Variants in CALCA observed in about 807,000 individuals in gnomAD.
CALCA encodes the protein calcitonin.
A neutral mutation model predicts 6.9 loss-of-function variants in CALCA; 4 were observed. That is an observed-to-expected ratio of 0.58 (90% CI 0.29 to 1.33). The LOEUF is 1.33. CALCA is among the 40% of genes most tolerant of loss of function. CALCA has a pLI of 0.09. For synonymous variants in CALCA, 78 were observed against 70.0 expected (o/e 1.11, Z -0.57); for missense variants, 174 against 178.3 (o/e 0.98, Z 0.14).
downstream of CALCA, chr11:14,968,363 G>A (rs1849505830): frequency 1.1e-6 from 1 of 927,228 alleles, no homozygotes; most frequent in African/African-American, 1.7e-5. Flanking sequence ...TGTTCTTCCT[G>A]CTTGAGCTTG....
intron 2 of CALCA, 31 bp downstream of exon 2, chr11:14,971,076 C>A (rs782815958): frequency 3.2e-6 from 5 of 1,573,378 alleles, no homozygotes; most frequent in Admixed American, 1.7e-5. Flanking sequence ...TTGTCTGATA[C>A]CAGTGTGGTT....
Position 14,968,594 on chromosome 11 carries a change from C to T in CALCA, c.*205G>A. On this transcript the variant is annotated 3_prime_UTR_variant, in exon 4 of 4. Transcript: ENST00000331587. Reference sequence around the variant, plus strand: ...GACATCTCTGGGGGACTCAAAGCGGCCCTCATTTTCTGGTATTTTCCCAGG... The same window carrying T: ...GACATCTCTGGGGGACTCAAAGCGGTCCTCATTTTCTGGTATTTTCCCAGG... 6.8e-7 allele frequency: 1 copy of T among 1,474,004 alleles called. No individual in the cohort carries two copies. The highest frequency in any genetic ancestry group is 9.0e-7 in the Non-Finnish European group (1 of 1,113,368). 91.3% of individuals were successfully genotyped at this position (1,474,004 alleles called of 1,614,324 possible).
rs1849551163 is a variant in CALCA, at chr11:14,969,854, C to T, written c.227+81G>A. The T allele has an allele frequency of 2.5e-6, 4 of 1,603,854 alleles. No individual in the cohort carries two copies. The East Asian group carries it at 8.9e-5, about 36-fold the overall frequency. ...CTGTTGGATTCCTGGCCAGTGTGTT[C>T]TCTCCTACCTCTCGGGATCCACCTT... is the stretch of plus-strand genomic sequence containing the variant. On this transcript the variant is annotated intron_variant, in intron 3 of 3. Transcript: ENST00000331587.
At chr11:14,967,631 A>C, downstream of CALCA, 1 of 1,610,738 alleles carries the variant, frequency 6.2e-7, no homozygotes, top group Non-Finnish European at 8.5e-7. Flanking sequence ...CCCTGTAAAA[A>C]CCAGTCATTC....
intron 3 of CALCA, among the ~76,000 whole-genome samples, chr11:14,969,566 C>T (rs189290989): frequency 6.6e-6 from 1 of 152,216 alleles, no homozygotes; most frequent in Admixed American, 6.5e-5. Flanking sequence ...ATCCAAATTT[C>T]TAAAACTTCC....
At chr11:14,971,527 A>T (rs1180848628) in intron 1 of CALCA, among the ~76,000 whole-genome samples, 1 of 152,104 alleles carries the variant, frequency 6.6e-6, no homozygotes, top group Non-Finnish European at 1.5e-5. Context: ...TCTGTGGAGG[A>T]CATGCTCCCA....
chr11:14,971,024 G>A (rs763653426), intron 2 of CALCA, 83 bp downstream of exon 2: 53 of 1,156,434 alleles, frequency 4.6e-5, no homozygotes, highest in South Asian at 6.1e-5. Context: ...GCCCCCTGTC[G>A]GTTTTTAAGC....
chr11:14,967,942 T>C (rs1002137688), downstream of CALCA: 152 of 1,510,204 alleles, frequency 1.0e-4, no homozygotes, highest in Middle Eastern at 5.3e-4. Context: ...ATGGTAAAGT[T>C]GCTGTGCTGA....
downstream of CALCA, among the ~76,000 whole-genome samples, chr11:14,967,290 G>C (rs989822227): frequency 4.6e-5 from 7 of 152,134 alleles, no homozygotes; most frequent in Non-Finnish European, 7.3e-5. Flanking sequence ...GCTGGTAAAG[G>C]GCAAATACAG....
At chr11:14,967,803 C>T (rs376638621), downstream of CALCA, 4 of 1,614,064 alleles carry the variant, frequency 2.5e-6, no homozygotes, top group African/African-American at 5.3e-5. Flanking sequence ...AGCCTGCCAG[C>T]CGATGAGTCA....
downstream of CALCA, chr11:14,967,879 GAGA>G (rs1555025698): frequency 6.2e-7 from 1 of 1,613,486 alleles, no homozygotes; most frequent in Non-Finnish European, 8.5e-7. Context: ...GGAGAAAGAA[GAGA>G]AGATCTGTGA....
downstream of CALCA, chr11:14,967,715 G>T (rs782436716): frequency 5.0e-6 from 8 of 1,613,994 alleles, no homozygotes; most frequent in East Asian, 1.8e-4. Flanking sequence ...AGGTCCCTGC[G>T]GCGCCTGCCA....
Position 14,968,894 on chromosome 11 carries a change from T to C in CALCA, c.331A>G (p.Ile111Val), listed in dbSNP as rs1466802715. 2 of 1,614,042 alleles carry C rather than the reference T, an allele frequency of 1.2e-6. No individual in the cohort carries two copies. Among genetic ancestry groups the C allele is most frequent in the Admixed American group, 1.7e-5 (1 of 60,012 alleles). ...TTCTTTCCAGGTGCTCCAACCCCAA[T>C]TGCAGTTTGGGGGAACGTGTGAAAC... ...NKFHTFPQTA[I>V]GVGAPGKKRD... Residue 111 changes from isoleucine to valine, a missense_variant, in exon 4 of 4, where the codon ATT becomes GTT. Transcript: ENST00000331587.
Position 14,969,813 on chromosome 11 carries a change from C to G in CALCA, c.227+122G>C, listed in dbSNP as rs540523822. ...CTGAGAACAGCTGGGCCCCAGGTCC[C>G]GGTGAACAACACAGCCTGTTGGATT... is the stretch of plus-strand genomic sequence containing the variant. On this transcript the variant is annotated intron_variant, in intron 3 of 3. Coordinates refer to ENST00000331587, the MANE Select transcript of CALCA (RefSeq NM_001741.3). 4 of 1,482,860 alleles carry G rather than the reference C, an allele frequency of 2.7e-6. No homozygotes were observed. The East Asian group carries it at 6.8e-5, about 25-fold the overall frequency. 91.9% of individuals were successfully genotyped at this position (1,482,860 alleles called of 1,614,324 possible).
In CALCA at chr11:14,968,712, C is replaced by A; in HGVS notation, c.*87G>T. 1 of 1,612,572 alleles carries A rather than the reference C, an allele frequency of 6.2e-7. No individual in the cohort carries two copies. The highest frequency in any genetic ancestry group is 8.5e-7 in the Non-Finnish European group (1 of 1,179,582). On this transcript the variant is annotated 3_prime_UTR_variant, in exon 4 of 4. Coordinates refer to ENST00000331587, the MANE Select transcript of CALCA (RefSeq NM_001741.3). ...ACAAGGAAAGCCACCAATACCAGCC[C>A]AAAGAGCCACCAGAGAGGAACCAAA...
chr11:14,970,989 G>A lies in CALCA; in HGVS notation c.86+118C>T. ...ATTTTTATATCAAAAAATTATATAT[G>A]TGCATGAGTACATACCTTACCCCGG... is the stretch of plus-strand genomic sequence containing the variant. On this transcript the variant is annotated intron_variant, in intron 2 of 3. Coordinates refer to ENST00000331587, the MANE Select transcript of CALCA (RefSeq NM_001741.3). 4 of 772,314 alleles carry A rather than the reference G, an allele frequency of 5.2e-6. No homozygotes were observed. In the South Asian group the frequency reaches 5.6e-5, roughly 11 times the overall value. 47.8% of individuals were successfully genotyped at this position (772,314 alleles called of 1,614,324 possible).
downstream of CALCA, chr11:14,967,625 GTAAAAA>G: frequency 6.2e-7 from 1 of 1,606,960 alleles, no homozygotes; most frequent in Non-Finnish European, 8.5e-7. Context: ...TTACACCCCT[GTAAAAA>G]CCAGTCATTC....
rs5239 is a variant in CALCA at position 14,969,993 on chromosome 11, C to G, written c.169G>C (p.Asp57His). ...TCACTGGCCTTCATCTGCACATAGT[C>G]CTGCACCAGTGCAGCCAGCAGGAGG... ...ARLLLAALVQ[D>H]YVQMKASELE... is the part of the protein sequence containing the mutation. Residue 57 changes from aspartate to histidine, a missense_variant, in exon 3 of 4, where the codon GAC (aspartate) becomes CAC (histidine). Coordinates refer to ENST00000331587, the MANE Select transcript of CALCA (RefSeq NM_001741.3). 1.2e-6 allele frequency: 2 copies of G among 1,614,114 alleles called. No individual in the cohort carries two copies. The highest frequency in any genetic ancestry group is 1.7e-6 in the Non-Finnish European group (2 of 1,180,040).
At position 14,968,842 on chromosome 11, in the gene CALCA, C is replaced by A. The variant is rs782616113; in HGVS notation, c.383G>T (p.Arg128Ile). The change falls in exon 4 of 4, where the codon AGA becomes ATA. Residue 128 changes from arginine (R) to isoleucine (I), a missense_variant. Coordinates refer to ENST00000331587, the MANE Select transcript of CALCA (RefSeq NM_001741.3). ...KKRDMSSDLERDHRPHVSMPQ... is the reference protein window; with the variant it reads ...KKRDMSSDLEIDHRPHVSMPQ... ...CATGCTAACATGAGGGCGATGGTCT[C>A]TCTCCAAGTCGCTGGACATATCCCT... 1.2e-6 allele frequency: 2 copies of A among 1,614,178 alleles called. No homozygotes were observed. The highest frequency in any genetic ancestry group is 4.5e-5 in the East Asian group (2 of 44,882).
Sources: allele counts gnomAD v4.1 joint callset (sites outside exome capture counted in the v4.1 genomes callset), GRCh38; gene constraint gnomAD v4.1.1; transcripts MANE v1.5; gene names NCBI Gene and HGNC (gene_info 2026-07-23, HGNC 2026-07-21).